Variants in KCNQ1 observed in about 807,000 individuals in gnomAD.
The protein encoded by KCNQ1 is potassium voltage-gated channel subfamily KQT member 1.
Under a neutral mutation model 72.4 loss-of-function variants are expected in KCNQ1, and 49 were observed. That is an observed-to-expected ratio of 0.68 (90% CI 0.54 to 0.86). KCNQ1 has a LOEUF of 0.86. Among genes scored for constraint, KCNQ1 ranks in the 40% least tolerant of loss-of-function variants. The probability of loss-of-function intolerance (pLI) is 0.00; values close to 1 mark genes in which losing one functional copy is unlikely to be tolerated. For missense variants in KCNQ1, 790 were observed against 945.1 expected, an observed-to-expected ratio of 0.84 and a Z score of 2.15; for synonymous variants, 450 against 412.6, an observed-to-expected ratio of 1.09 and a Z score of -1.10.
At chr11:2,754,795 A>C (rs1846274378) in intron 11 of KCNQ1, among the ~76,000 whole-genome samples, 1 of 152,232 alleles carries the variant, frequency 6.6e-6, no homozygotes, top group African/African-American at 2.4e-5. Context: ...GGCATAGGGA[A>C]ATATTTATTT....
intron 15 of KCNQ1, among the ~76,000 whole-genome samples, chr11:2,791,027 G>A (rs1443688071): frequency 1.3e-5 from 2 of 152,228 alleles, no homozygotes. Flanking sequence ...GCCTGTGGGG[G>A]ACAGTTGCCA....
At chr11:2,689,196 T>G (rs758898570) in intron 11 of KCNQ1, 5 of 398,704 alleles carry the variant, frequency 1.3e-5, no homozygotes, top group Admixed American at 4.4e-5. Flanking sequence ...TGCAAACAGC[T>G]CAGCTTGCTG....
Position 2,787,510 on chromosome 11 carries a change from TA to T in KCNQ1, c.1794+9474del, listed in dbSNP as rs1351162612. On this transcript the variant is annotated intron_variant, in intron 15 of 15. Transcript: ENST00000155840. This position sits in a 1 kb window ranked among gnomAD's most constrained non-coding sequence, Gnocchi z 6.3. Reference sequence around the variant, plus strand: ...TACTTCCTGGTCAGCTCATCCATGCTAGCCACAGATATCATTTTAAATTTTC... The same window carrying T: ...TACTTCCTGGTCAGCTCATCCATGCTGCCACAGATATCATTTTAAATTTTC... Among the ~76,000 whole-genome samples the T allele has an allele frequency of 3.3e-5, 5 of 152,352 alleles. No homozygotes were observed. The highest frequency in any genetic ancestry group is 6.8e-3 in the Middle Eastern group (2 of 294).
intron 11 of KCNQ1, among the ~76,000 whole-genome samples, chr11:2,718,136 C>T (rs1851127944): frequency 6.6e-6 from 1 of 152,204 alleles, no homozygotes. Flanking sequence ...CTTTGAGGCC[C>T]TCCCTGCCCT....
At chr11:2,496,994 C>G (rs866575652) in intron 1 of KCNQ1, among the ~76,000 whole-genome samples, 21 of 152,078 alleles carry the variant, frequency 1.4e-4, no homozygotes, top group African/African-American at 4.3e-4. Context: ...ATATTGGCTC[C>G]CACTCTCTTC....
rs1849683758 is a variant in KCNQ1 at position 2,647,444 on chromosome 11, G to C, written c.1394-14517G>C. On this transcript the variant is annotated intron_variant, in intron 10 of 15. Coordinates refer to ENST00000155840, the MANE Select transcript of KCNQ1 (RefSeq NM_000218.3). The surrounding 1 kb of genome is among the most constrained non-coding windows in gnomAD (Gnocchi z 4.0). ...GCATCTATGTTCATCAGGGAGATTG[G>C]CCTGTAGTTTTCTTTTTTGCTGTTA... The C allele has an allele frequency of 5.0e-6, 2 of 398,302 alleles. No homozygotes were observed. Among genetic ancestry groups the C allele is most frequent in the Non-Finnish European group, 8.8e-6 (2 of 226,022 alleles). The allele number at this position is 398,302 out of a possible 1,614,324, so 24.7% of individuals were successfully genotyped here.
Position 2,604,188 on chromosome 11 carries a change from T to C in KCNQ1, c.1393+15334T>C, listed in dbSNP as rs372103700. Among the ~76,000 whole-genome samples, 65 of 152,054 alleles carry C rather than the reference T, an allele frequency of 4.3e-4. No homozygotes were observed. In the East Asian group the frequency reaches 7.9e-3, roughly 18 times the overall value. ...ATATCTCCTGGGCATGAAAGAGATA[T>C]GAAAGGCTGGGTGTGTTGGTGGCTC... is the stretch of plus-strand genomic sequence containing the variant. On this transcript the variant is annotated intron_variant, in intron 10 of 15. Coordinates refer to ENST00000155840, the MANE Select transcript of KCNQ1 (RefSeq NM_000218.3).
intron 1 of KCNQ1, among the ~76,000 whole-genome samples, chr11:2,522,609 A>G (rs1847406965): frequency 6.6e-6 from 1 of 152,262 alleles, no homozygotes; most frequent in African/African-American, 2.4e-5. Context: ...GATAAAAGTA[A>G]GCTTTGTCAT....
Position 2,510,562 on chromosome 11 carries a change from T to A in KCNQ1, c.387-17366T>A, listed in dbSNP as rs564328013. On this transcript the variant is annotated intron_variant, in intron 1 of 15. Transcript: ENST00000155840. ...TAGAGGTTGCAGTGAGCTCAGATTG[T>A]GCCACTGCACTCCAGTCTGGGTGTC... is the stretch of plus-strand genomic sequence containing the variant. 3.9e-5 allele frequency among the ~76,000 whole-genome samples: 6 copies of A among 152,356 alleles called. No homozygotes were observed. In the South Asian group the frequency reaches 1.2e-3, roughly 32 times the overall value.
At chr11:2,578,978 T>G (rs536818477) in intron 6 of KCNQ1, among the ~76,000 whole-genome samples, 57 of 152,338 alleles carry the variant, frequency 3.7e-4, no homozygotes, top group African/African-American at 1.1e-3. Context: ...GAGTGCCAGC[T>G]GGGGTGTGAC....
chr11:2,814,743 A>T (rs981271313), intron 15 of KCNQ1, among the ~76,000 whole-genome samples: 1 of 152,118 alleles, frequency 6.6e-6, no homozygotes, highest in African/African-American at 2.4e-5. Context: ...TCTCCCTTAG[A>T]AATACATGTG....
intron 2 of KCNQ1, among the ~76,000 whole-genome samples, chr11:2,553,152 G>C (rs367632704): frequency 9.3e-5 from 13 of 139,450 alleles, no homozygotes; most frequent in African/African-American, 3.7e-4. Flanking sequence ...CTGTTTTTGG[G>C]GTTTTTTTTG....
At position 2,449,230 on chromosome 11, in the gene KCNQ1, T is replaced by C. The variant is rs1026924086; in HGVS notation, c.386+3746T>C. 4.6e-5 allele frequency among the ~76,000 whole-genome samples: 7 copies of C among 152,226 alleles called. 1 individual carries two copies. Among genetic ancestry groups the C allele is most frequent in the Admixed American group, 4.6e-4 (7 of 15,282 alleles). On this transcript the variant is annotated intron_variant, in intron 1 of 15. Coordinates refer to ENST00000155840, the MANE Select transcript of KCNQ1 (RefSeq NM_000218.3). ...CTCGGTTGGAGGGAACATTCACCCGTGCCTGGCACTGAAGCCACAGCTCCC... is the reference window on the plus strand; with the variant it reads ...CTCGGTTGGAGGGAACATTCACCCGCGCCTGGCACTGAAGCCACAGCTCCC...
chr11:2,800,225 C>T lies in KCNQ1; in HGVS notation c.1794+22188C>T, dbSNP rs78445180. On this transcript the variant is annotated intron_variant, in intron 15 of 15. Coordinates refer to ENST00000155840, the MANE Select transcript of KCNQ1 (RefSeq NM_000218.3). ...CACCTTCAAGAAGGGAATAAAGCCA[C>T]TTCCTGCTCCATCCCAGTGGCCTGA... Among the ~76,000 whole-genome samples, 290 of 152,374 alleles carry T rather than the reference C, an allele frequency of 1.9e-3. 7 individuals carry two copies. In the East Asian group the frequency reaches 0.046, roughly 24 times the overall value.
intron 1 of KCNQ1, among the ~76,000 whole-genome samples, chr11:2,454,173 G>A (rs544319819): frequency 4.6e-5 from 7 of 152,106 alleles, no homozygotes; most frequent in Non-Finnish European, 8.8e-5. Context: ...TATTAAAAAC[G>A]AAAGCAATGG....
In KCNQ1 at chr11:2,508,822, G is replaced by C. The variant is rs958282680; in HGVS notation, c.387-19106G>C. On this transcript the variant is annotated intron_variant, in intron 1 of 15. Coordinates refer to ENST00000155840, the MANE Select transcript of KCNQ1 (RefSeq NM_000218.3). The surrounding 1 kb of genome is among the most constrained non-coding windows in gnomAD (Gnocchi z 6.2). ...CCTGCTCTCATACAGGCTTGAGGAGGGCTAAGGAAAGTCACAGTTGAATGC... is the reference window on the plus strand; with the variant it reads ...CCTGCTCTCATACAGGCTTGAGGAGCGCTAAGGAAAGTCACAGTTGAATGC... 6.6e-6 allele frequency among the ~76,000 whole-genome samples: 1 copy of C among 152,230 alleles called. No individual in the cohort carries two copies. The highest frequency in any genetic ancestry group is 1.5e-5 in the Non-Finnish European group (1 of 68,044).
In KCNQ1 at chr11:2,562,770, G is replaced by T. The variant is rs539125207; in HGVS notation, c.478-7858G>T. ...GGTCCCCAGGCCTAAGTCTATGGGGGCGCCAGGGAGGCCGGCTGTGTTTCT... is the reference window on the plus strand; with the variant it reads ...GGTCCCCAGGCCTAAGTCTATGGGGTCGCCAGGGAGGCCGGCTGTGTTTCT... On this transcript the variant is annotated intron_variant, in intron 2 of 15. Coordinates refer to ENST00000155840, the MANE Select transcript of KCNQ1 (RefSeq NM_000218.3). This position sits in a 1 kb window ranked among gnomAD's most constrained non-coding sequence, Gnocchi z 7.5. Among the ~76,000 whole-genome samples the T allele has an allele frequency of 6.6e-6, 1 of 152,148 alleles. No individual in the cohort carries two copies. The highest frequency in any genetic ancestry group is 1.5e-5 in the Non-Finnish European group (1 of 68,030).
rs1169596593 is a variant in KCNQ1 at position 2,808,112 on chromosome 11, G to A, written c.1794+30075G>A. On this transcript the variant is annotated intron_variant, in intron 15 of 15. Coordinates refer to ENST00000155840, the MANE Select transcript of KCNQ1 (RefSeq NM_000218.3). The surrounding 1 kb of genome is among the most constrained non-coding windows in gnomAD (Gnocchi z 6.0). ...CGCCCCTCTCATGGACACCACTGTGGGCACCACTTGGGCACCCTGTGGGCT... is the reference window on the plus strand; with the variant it reads ...CGCCCCTCTCATGGACACCACTGTGAGCACCACTTGGGCACCCTGTGGGCT... Among the ~76,000 whole-genome samples the A allele has an allele frequency of 6.6e-6, 1 of 152,182 alleles. No individual in the cohort carries two copies. Among genetic ancestry groups the A allele is most frequent in the African/African-American group, 2.4e-5 (1 of 41,442 alleles).
rs1452646223 is a variant in KCNQ1 at position 2,541,045 on chromosome 11, ACACT to A, written c.477+13031_477+13034del. Among the ~76,000 whole-genome samples, 1 of 152,260 alleles carries A rather than the reference ACACT, an allele frequency of 6.6e-6. No individual in the cohort carries two copies. The highest frequency in any genetic ancestry group is 1.5e-5 in the Non-Finnish European group (1 of 68,042). On this transcript the variant is annotated intron_variant, in intron 2 of 15. Transcript: ENST00000155840. The surrounding 1 kb of genome is among the most constrained non-coding windows in gnomAD (Gnocchi z 4.8). The stretch of plus-strand genomic sequence containing the variant: ...TGCACACATAGGTACCCATGTGGAC[ACACT>A]CACGTGTGTGTGCACGTTCAGGCTC...
Sources: gnomAD v4.1 joint callset for allele counts (sites outside exome capture counted in the v4.1 genomes callset) on GRCh38, gnomAD v4.1.1 for gene constraint, Gnocchi (gnomAD v3.1) non-coding constraint, MANE v1.5 for transcripts, NCBI Gene and HGNC (gene_info 2026-07-23, HGNC 2026-07-21) for gene names.